The following SPATA4 variants were observed in gnomAD, a reference collection of about 807,000 sequenced individuals.
The protein encoded by SPATA4 is spermatogenesis associated 4.
Under a neutral mutation model 31.8 loss-of-function variants are expected in SPATA4, and 35 were observed. That is an observed-to-expected ratio of 1.10 (90% confidence interval 0.84 to 1.46). SPATA4 has a LOEUF of 1.46. Ranked by LOEUF, SPATA4 falls within the 40% of genes most tolerant of loss-of-function variation. The probability of loss-of-function intolerance (pLI) is 0.00; values close to 1 mark genes in which losing one functional copy is unlikely to be tolerated. For missense variants in SPATA4, 394 were observed against 363.1 expected (o/e 1.09, Z -0.69); for synonymous variants, 126 against 132.4 (o/e 0.95, Z 0.33).
intron 4 of SPATA4, among the ~76,000 whole-genome samples, chr4:176,190,335 A>T (rs28567067): frequency 0.26 from 38,886 of 152,112 alleles, 5,159 homozygotes; most frequent in Admixed American, 0.37. Flanking sequence ...CAATTTAAAT[A>T]TAGGAGGATA....
chr4:176,188,215 T>A lies in SPATA4; in HGVS notation c.709A>T (p.Thr237Ser), dbSNP rs752405836. 9 of 1,611,224 alleles carry A rather than the reference T, an allele frequency of 5.6e-6. No homozygotes were observed. Among genetic ancestry groups the A allele is most frequent in the Non-Finnish European group, 7.6e-6 (9 of 1,178,956 alleles). The change falls in exon 5 of 6, where the codon ACA becomes TCA. Residue 237 changes from threonine to serine, a missense_variant. By Grantham distance (58) the Thr-to-Ser change is moderately conservative. Transcript: ENST00000280191. ...LNPEWFDVKP[T>S]VGEVTLNHLP... is the part of the protein sequence containing the mutation. ...TGATTGAGAGTAACTTCTCCCACTGTTGGTTTCACATCAAACCATTCTATA... is the reference window on the plus strand; with the variant it reads ...TGATTGAGAGTAACTTCTCCCACTGATGGTTTCACATCAAACCATTCTATA...
rs763698572 is a variant in SPATA4, at chr4:176,195,296, G to T, written c.218+49C>A. ...TCTGAGGCCTGGCAGGCGGCGGAAA[G>T]CAGGCGGGGCGCCCACCGGGGGGGC... is the stretch of plus-strand genomic sequence containing the variant. On this transcript the variant is annotated intron_variant, in intron 1 of 5. Transcript: ENST00000280191. The T allele has an allele frequency of 1.9e-6, 3 of 1,595,878 alleles. No individual in the cohort carries two copies. The East Asian group carries it at 6.7e-5, about 36-fold the overall frequency.
At chr4:176,193,231 C>A (rs767715024) in intron 2 of SPATA4, among the ~76,000 whole-genome samples, 155 bp from the exon 3 acceptor site, 1 of 152,084 alleles carries the variant, frequency 6.6e-6, no homozygotes, top group Non-Finnish European at 1.5e-5. Context: ...GCAGGAAAAC[C>A]AATCAGTATA....
At chr4:176,186,344 A>T (rs1486982895) in intron 5 of SPATA4, among the ~76,000 whole-genome samples, 1 of 152,178 alleles carries the variant, frequency 6.6e-6, no homozygotes, top group Non-Finnish European at 1.5e-5. Flanking sequence ...GAACGAGGCA[A>T]GCAAGTTAAA....
At chr4:176,193,400 C>G in intron 2 of SPATA4, 53 bp downstream of exon 2, 1 of 1,584,894 alleles carries the variant, frequency 6.3e-7, no homozygotes, top group Middle Eastern at 1.7e-4. Flanking sequence ...TAGCATGGCA[C>G]ACTTTAAAAC....
intron 5 of SPATA4, among the ~76,000 whole-genome samples, chr4:176,187,548 G>A (rs901956414): frequency 2.0e-5 from 3 of 150,738 alleles, no homozygotes; most frequent in Non-Finnish European, 4.4e-5. Context: ...AAGTTGCAGT[G>A]AGCCGAGATC....
Position 176,195,548 on chromosome 4 carries a change from G to T in SPATA4, c.15C>A (p.Gly5=). MAAA[G]QEKGYLTQTA... ...TCTGTGTCAAATACCCTTTTTCCTG[G>T]CCGGCGGCAGCCATGACGCTTTCTG... Residue 5 remains glycine (G), a synonymous_variant, in exon 1 of 6, where the codon GGC becomes GGA. Coordinates refer to ENST00000280191, the MANE Select transcript of SPATA4 (RefSeq NM_144644.4). 6.2e-7 allele frequency: 1 copy of T among 1,614,044 alleles called. No homozygotes were observed. Among genetic ancestry groups the T allele is most frequent in the East Asian group, 2.2e-5 (1 of 44,882 alleles).
intron 5 of SPATA4, 30 bp from the exon 6 acceptor site, chr4:176,184,922 T>C (rs762212328): frequency 7.5e-7 from 1 of 1,333,356 alleles, no homozygotes; most frequent in Non-Finnish European, 1.1e-6. Flanking sequence ...AAAATTAAAA[T>C]CAATTCATGG....
rs201425663 is a variant in SPATA4, at chr4:176,188,266, T to A, written c.689-31A>T. The A allele has an allele frequency of 1.3e-5, 18 of 1,405,502 alleles. 1 individual carries two copies. The Admixed American group carries it at 3.0e-4, about 23-fold the overall frequency. The allele number at this position is 1,405,502 out of a possible 1,614,324, so 87.1% of individuals were successfully genotyped here. A position where few individuals can be genotyped will look rare whatever the true frequency, so the allele number is the denominator to read the frequency against. On this transcript the variant is annotated intron_variant, in intron 4 of 5. Coordinates refer to ENST00000280191, the MANE Select transcript of SPATA4 (RefSeq NM_144644.4). ...AAATATGAACACAAAAGTTATTTCT[T>A]AAAAAGCCATAATGGCCATTGTCAA...
At chr4:176,187,447 T>C (rs188584858) in intron 5 of SPATA4, among the ~76,000 whole-genome samples, 4 of 151,784 alleles carry the variant, frequency 2.6e-5, no homozygotes, top group African/African-American at 9.7e-5. Flanking sequence ...TCTACTAAAA[T>C]ACAAAAAATT....
chr4:176,190,383 A>G (rs187972893), intron 4 of SPATA4, among the ~76,000 whole-genome samples: 4 of 152,316 alleles, frequency 2.6e-5, no homozygotes, highest in African/African-American at 9.6e-5. Flanking sequence ...GTTAACTATG[A>G]AGCTTGTATT....
At chr4:176,189,427 T>A in intron 4 of SPATA4, among the ~76,000 whole-genome samples, 3 of 144,618 alleles carry the variant, frequency 2.1e-5, no homozygotes, top group Non-Finnish European at 3.1e-5. Flanking sequence ...GAAGAAAAGA[T>A]AGGTAAGATG....
rs1439499988 is a variant in SPATA4 at position 176,192,667 on chromosome 4, T to C, written c.648A>G (p.Leu216=). 1.9e-6 allele frequency: 3 copies of C among 1,613,912 alleles called. No homozygotes were observed. Among genetic ancestry groups the C allele is most frequent in the Middle Eastern group, 1.6e-4 (1 of 6,084 alleles). The change falls in exon 4 of 6, where the codon TTA becomes TTG. Residue 216 remains leucine, a synonymous_variant. Coordinates refer to ENST00000280191, the MANE Select transcript of SPATA4 (RefSeq NM_144644.4). ...NELKAEFLIL[L]HMLQRKLGRK... Reference sequence around the variant, plus strand: ...TGCCTAATTTTCTTTGCAACATATGTAAAAGGATGAGGAACTCCGCTTTAA... The same window carrying C: ...TGCCTAATTTTCTTTGCAACATATGCAAAAGGATGAGGAACTCCGCTTTAA...
rs780179515 is a variant in SPATA4, at chr4:176,188,152, T to G, written c.772A>C (p.Lys258Gln). The change falls in exon 5 of 6, where the codon AAA (lysine) becomes CAA (glutamine). Residue 258 changes from lysine to glutamine, a missense_variant. Physicochemically the swap from Lys to Gln is moderately conservative, Grantham distance 53 (BLOSUM62 1). Coordinates refer to ENST00000280191, the MANE Select transcript of SPATA4 (RefSeq NM_144644.4). ...AQASGRRYNL[K>Q]VKRGRVVPVL... ...GGGACAACTCTTCCTCTTTTAACTT[T>G]TAAATTATATCTGCGCCCAGAGGCT... 36 of 1,613,532 alleles carry G rather than the reference T, an allele frequency of 2.2e-5. 1 individual carries two copies. In the South Asian group the frequency reaches 4.0e-4, roughly 18 times the overall value.
intron 1 of SPATA4, chr4:176,193,929 T>C (rs1016717666): frequency 1.2e-5 from 2 of 166,930 alleles, no homozygotes; most frequent in African/African-American, 2.4e-5. Flanking sequence ...GCAGTTTTGC[T>C]TTCTGCAGTT....
intron 4 of SPATA4, among the ~76,000 whole-genome samples, chr4:176,189,582 T>G (rs1315003503): frequency 6.6e-6 from 1 of 152,032 alleles, no homozygotes; most frequent in Non-Finnish European, 1.5e-5. Context: ...AAGAACAAAT[T>G]TTAGGACTTT....
chr4:176,193,330 G>T (rs1253548063), intron 2 of SPATA4, 123 bp downstream of exon 2: 1 of 1,233,256 alleles, frequency 8.1e-7, no homozygotes, highest in Non-Finnish European at 1.1e-6. Flanking sequence ...TAATACACAG[G>T]AACAAGCTGC....
chr4:176,190,250 G>T (rs1226579659), intron 4 of SPATA4, among the ~76,000 whole-genome samples: 1 of 152,038 alleles, frequency 6.6e-6, no homozygotes, highest in East Asian at 1.9e-4. Flanking sequence ...AGACGATAGG[G>T]GGGTGGTCTC....
chr4:176,188,679 T>C, intron 4 of SPATA4, among the ~76,000 whole-genome samples: 1 of 152,378 alleles, frequency 6.6e-6, no homozygotes, highest in African/African-American at 2.4e-5. Flanking sequence ...AGGTTAGTTT[T>C]ATGTATTTTT....
Sources: gnomAD v4.1 joint callset for allele counts (sites outside exome capture counted in the v4.1 genomes callset) on GRCh38, gnomAD v4.1.1 for gene constraint, MANE v1.5 for transcripts, NCBI Gene and HGNC (gene_info 2026-07-23, HGNC 2026-07-21) for gene names.